Variants in ARHGAP10 observed in about 807,000 individuals in gnomAD.
ARHGAP10 encodes rho GTPase-activating protein 10.
ARHGAP10 carries 87 observed loss-of-function variants against 108.6 expected under a neutral mutation model. The ratio of observed to expected loss-of-function variants is 0.80; its 90% CI spans 0.67 to 0.96. ARHGAP10 has a LOEUF of 0.96. Among genes scored for constraint, ARHGAP10 ranks in the 40% least tolerant of loss-of-function variants. ARHGAP10 has a pLI of 0.00. For synonymous variants in ARHGAP10, 347 were observed against 341.1 expected, an observed-to-expected ratio of 1.02 and a Z score of -0.19; for missense variants, 939 against 954.5, an observed-to-expected ratio of 0.98 and a Z score of 0.21.
Position 148,072,047 on chromosome 4 carries a change from G to A in ARHGAP10, c.2327G>A (p.Gly776Glu). Reference sequence around the variant, plus strand: ...GAAGGGACTCTGAACGGCAAGAGGGGGCTGATTCCACAGAACTACGTCAAG... The same window carrying A: ...GAAGGGACTCTGAACGGCAAGAGGGAGCTGATTCCACAGAACTACGTCAAG... ...WLEGTLNGKR[G>E]LIPQNYVKLL Residue 776 changes from glycine (G) to glutamate (E), a missense_variant, in exon 23 of 23, where the codon GGG (glycine) becomes GAG (glutamate). Physicochemically the swap from Gly to Glu is moderately conservative, Grantham distance 98 (BLOSUM62 -2). Coordinates refer to ENST00000336498, the MANE Select transcript of ARHGAP10 (RefSeq NM_024605.4). 2 of 1,613,562 alleles carry A rather than the reference G, an allele frequency of 1.2e-6. No individual in the cohort carries two copies. The highest frequency in any genetic ancestry group is 1.7e-6 in the Non-Finnish European group (2 of 1,179,806).
rs995242148 is a variant in ARHGAP10, at chr4:147,997,233, C to T, written c.1717-26030C>T. The stretch of plus-strand genomic sequence containing the variant: ...ACCAAAATACCCAGTGTGGAATCTA[C>T]AAACGTATTGCAGCAGGAGGGAAAA... On this transcript the variant is annotated intron_variant, in intron 18 of 22. Transcript: ENST00000336498. 4.6e-5 allele frequency among the ~76,000 whole-genome samples: 7 copies of T among 152,144 alleles called. No individual in the cohort carries two copies. The South Asian group carries it at 1.2e-3, about 27-fold the overall frequency.
intron 1 of ARHGAP10, among the ~76,000 whole-genome samples, chr4:147,751,833 C>T (rs1231089092): frequency 6.6e-6 from 1 of 151,008 alleles, no homozygotes; most frequent in African/African-American, 2.4e-5. Flanking sequence ...CGAGGGTACT[C>T]ATCTAGGTAG....
intron 13 of ARHGAP10, among the ~76,000 whole-genome samples, chr4:147,928,044 G>A (rs961674502): frequency 1.3e-5 from 2 of 152,188 alleles, no homozygotes; most frequent in African/African-American, 4.8e-5. Context: ...GCTTTCTCTT[G>A]TGTTGCCTAG....
chr4:147,749,071 G>T (rs1729043883), intron 1 of ARHGAP10, among the ~76,000 whole-genome samples: 1 of 152,078 alleles, frequency 6.6e-6, no homozygotes, highest in South Asian at 2.1e-4. Context: ...AAACAAATGA[G>T]GACTATATGA....
At chr4:147,928,977 G>GCT (rs1737568156) in intron 13 of ARHGAP10, among the ~76,000 whole-genome samples, 1 of 152,142 alleles carries the variant, frequency 6.6e-6, no homozygotes, top group Admixed American at 6.6e-5. Context: ...TGAATAACTT[G>GCT]CTAGGTCACA....
chr4:147,828,824 CAAA>C (rs1309151306), intron 3 of ARHGAP10, among the ~76,000 whole-genome samples: 1 of 151,236 alleles, frequency 6.6e-6, no homozygotes, highest in East Asian at 1.9e-4. Context: ...CCTCCACACT[CAAA>C]GAAGTGTAAT....
chr4:147,786,121 C>T (rs370456785), intron 1 of ARHGAP10, among the ~76,000 whole-genome samples: 2 of 152,018 alleles, frequency 1.3e-5, no homozygotes, highest in African/African-American at 4.8e-5. Context: ...AGGGGGAGAC[C>T]CTGGGCTGAG....
At chr4:148,043,476 G>A (rs972245813) in intron 19 of ARHGAP10, among the ~76,000 whole-genome samples, 38 of 150,944 alleles carry the variant, frequency 2.5e-4, no homozygotes, top group African/African-American at 8.8e-4. Context: ...TAGCTTTGTG[G>A]GATTTAAAAT....
At chr4:148,000,100 A>G (rs1461105188) in intron 18 of ARHGAP10, among the ~76,000 whole-genome samples, 1 of 150,508 alleles carries the variant, frequency 6.6e-6, no homozygotes, top group African/African-American at 2.4e-5. Flanking sequence ...GACAGGCCCC[A>G]GTGTGTGATG....
intron 1 of ARHGAP10, among the ~76,000 whole-genome samples, chr4:147,733,059 G>A (rs1280491078): frequency 6.6e-6 from 1 of 152,102 alleles, no homozygotes; most frequent in African/African-American, 2.4e-5. Flanking sequence ...TTCCTCCCCT[G>A]CCGTGCTGAG....
chr4:147,942,846 C>G (rs368643108), intron 14 of ARHGAP10, among the ~76,000 whole-genome samples: 1 of 152,282 alleles, frequency 6.6e-6, no homozygotes, highest in Non-Finnish European at 1.5e-5. Context: ...CCAGCAGCCT[C>G]TAAGCCTTTC....
rs771961001 is a variant in ARHGAP10 at position 147,879,295 on chromosome 4, A to G, written c.896A>G (p.Lys299Arg). The G allele has an allele frequency of 6.2e-6, 10 of 1,614,000 alleles. No homozygotes were observed. Among genetic ancestry groups the G allele is most frequent in the African/African-American group, 1.3e-5 (1 of 74,948 alleles). ...HYCMYRKAAK[K>R]FNMIPFEHRS... ...TGCATGTATCGAAAAGCAGCAAAGA[A>G]GTTCAACATGATCCCATTTGAGCAC... The change falls in exon 9 of 23, where the codon AAG becomes AGG. Residue 299 changes from lysine to arginine, a missense_variant. Lys to Arg is a conservative substitution (Grantham distance 26). Coordinates refer to ENST00000336498, the MANE Select transcript of ARHGAP10 (RefSeq NM_024605.4).
intron 18 of ARHGAP10, among the ~76,000 whole-genome samples, chr4:147,984,216 G>T (rs1045276926): frequency 6.6e-6 from 1 of 152,162 alleles, no homozygotes; most frequent in African/African-American, 2.4e-5. Context: ...AATGGGCAGA[G>T]GGAGGCAACA....
At chr4:147,912,551 AT>A (rs1365987845) in intron 12 of ARHGAP10, among the ~76,000 whole-genome samples, 5 of 132 alleles carry the variant, frequency 0.038, no homozygotes, top group African/African-American at 0.047. Flanking sequence ...ACAAACAAAT[AT>A]ATATATATAT....
intron 18 of ARHGAP10, among the ~76,000 whole-genome samples, chr4:148,006,640 A>C (rs561775418): frequency 6.6e-6 from 1 of 152,202 alleles, no homozygotes; most frequent in South Asian, 2.1e-4. Flanking sequence ...CTTACTTCCT[A>C]TTGACTTCCA....
intron 18 of ARHGAP10, among the ~76,000 whole-genome samples, chr4:147,975,237 G>T (rs1743028998): frequency 6.6e-6 from 1 of 152,152 alleles, no homozygotes. Context: ...CATTGTGGTG[G>T]TCTTGCTTTG....
chr4:147,806,935 A>G (rs1731810899), intron 1 of ARHGAP10, among the ~76,000 whole-genome samples: 2 of 152,232 alleles, frequency 1.3e-5, no homozygotes, highest in Non-Finnish European at 2.9e-5. Context: ...CCCAGTTCTA[A>G]GAAGTAGATC....
intron 1 of ARHGAP10, among the ~76,000 whole-genome samples, chr4:147,792,973 A>G (rs186337918): frequency 2.4e-4 from 37 of 152,248 alleles, no homozygotes; most frequent in African/African-American, 8.7e-4. Context: ...ACCCGTCTCC[A>G]CTAAAAATAC....
chr4:147,828,438 T>G (rs1732812598), intron 3 of ARHGAP10, among the ~76,000 whole-genome samples: 1 of 152,148 alleles, frequency 6.6e-6, no homozygotes, highest in Non-Finnish European at 1.5e-5. Flanking sequence ...GTTCAACAAA[T>G]AGTGTGTGCC....
Sources: allele counts gnomAD v4.1 joint callset (sites outside exome capture counted in the v4.1 genomes callset), GRCh38; gene constraint gnomAD v4.1.1; transcripts MANE v1.5; gene names NCBI Gene and HGNC (gene_info 2026-07-23, HGNC 2026-07-21).